Variants in KIN observed in about 807,000 individuals in gnomAD.
KIN encodes DNA/RNA-binding protein KIN17.
KIN carries 47 observed loss-of-function variants against 63.0 expected under a neutral mutation model. That is an observed-to-expected ratio of 0.75 (90% CI 0.59 to 0.95). The LOEUF is 0.95. Among genes scored for constraint, KIN ranks in the 40% least tolerant of loss-of-function variants. KIN has a pLI of 0.00. For synonymous variants in KIN, 160 were observed against 157.7 expected (o/e 1.01, Z -0.11); for missense variants, 408 against 460.9 (o/e 0.89, Z 1.05).
chr10:7,783,397 A>G (rs535521961), intron 1 of KIN, among the ~76,000 whole-genome samples: 16 of 152,348 alleles, frequency 1.1e-4, no homozygotes, highest in South Asian at 2.1e-4. Context: ...TCAAAGAGAC[A>G]GCAAAAGAGT....
At chr10:7,780,680 C>T (rs1297141145) in intron 2 of KIN, among the ~76,000 whole-genome samples, 3 of 152,132 alleles carry the variant, frequency 2.0e-5, no homozygotes, top group Non-Finnish European at 4.4e-5. Context: ...GGACTACAGG[C>T]GTGAGCCACT....
Position 7,766,067 on chromosome 10 carries a change from A to G in KIN, c.835T>C (p.Tyr279His), listed in dbSNP as rs1835537708. 3 of 1,611,078 alleles carry G rather than the reference A, an allele frequency of 1.9e-6. No homozygotes were observed. The highest frequency in any genetic ancestry group is 2.5e-6 in the Non-Finnish European group (3 of 1,178,114). The change falls in exon 9 of 13, where the codon TAC (tyrosine) becomes CAC (histidine). Residue 279 changes from tyrosine (Y) to histidine (H), a missense_variant. Around this residue, in one of 2 missense-constraint regions of KIN, gnomAD observed 298 missense variants for 296.0 expected, o/e 1.01. Transcript: ENST00000379562. ...TGAATACTTACAGGCTGTAGCCAGT[A>G]GTCTGTTCGGGCAGTTCTTTTCTTT... The part of the protein sequence containing the change: ...EEKKRTARTD[Y>H]WLQPEIIVKI...
Position 7,759,887 on chromosome 10 carries a change from T to C in KIN, c.1119+3A>G. The C allele has an allele frequency of 6.9e-7, 1 of 1,440,544 alleles. No individual in the cohort carries two copies. The highest frequency in any genetic ancestry group is 9.7e-7 in the Non-Finnish European group (1 of 1,034,774). The allele number at this position is 1,440,544 out of a possible 1,614,324, so 89.2% of individuals were successfully genotyped here. On this transcript the variant is annotated splice_donor_region_variant and intron_variant, in intron 12 of 12. Transcript: ENST00000379562. ...ATTTCTGTCTTTGTGTAAACAAACT[T>C]ACAGTTTCAATGACGATAGTAGCTG...
In KIN at chr10:7,780,191, T is replaced by C; in HGVS notation, c.254-13A>G. 1 of 1,612,716 alleles carries C rather than the reference T, an allele frequency of 6.2e-7. No individual in the cohort carries two copies. The highest frequency in any genetic ancestry group is 8.5e-7 in the Non-Finnish European group (1 of 1,179,270). On this transcript the variant is annotated splice_polypyrimidine_tract_variant and intron_variant, in intron 3 of 12. Transcript: ENST00000379562. Reference sequence around the variant, plus strand: ...ACCCTTTTAGTGCCTGAGAACAAAATATGACACTGATGATCATCAGAAGAT... The same window carrying C: ...ACCCTTTTAGTGCCTGAGAACAAAACATGACACTGATGATCATCAGAAGAT...
At chr10:7,772,876 C>A (rs766035357) in intron 7 of KIN, among the ~76,000 whole-genome samples, 1 of 152,164 alleles carries the variant, frequency 6.6e-6, no homozygotes, top group Non-Finnish European at 1.5e-5. Context: ...ATCCCTGAAA[C>A]CTATCAATGT....
intron 5 of KIN, among the ~76,000 whole-genome samples, chr10:7,778,599 C>T (rs865906471): frequency 6.6e-5 from 10 of 152,078 alleles, no homozygotes; most frequent in African/African-American, 1.2e-4. Flanking sequence ...ATTATCTGGG[C>T]GTGGTGGCGG....
At chr10:7,780,455 T>C (rs7898584) in intron 2 of KIN, 148 bp from the exon 3 acceptor site, 506,840 of 613,110 alleles carry the variant, frequency 0.83, 210,398 homozygotes, top group Admixed American at 0.87. Flanking sequence ...AGTGCAATAG[T>C]GTGATCTCAG....
intron 1 of KIN, among the ~76,000 whole-genome samples, chr10:7,786,820 G>C (rs1836022253): frequency 1.3e-5 from 2 of 152,164 alleles, no homozygotes; most frequent in Admixed American, 6.5e-5. Flanking sequence ...AGCAGACTAA[G>C]ACATTAGATA....
Position 7,755,940 on chromosome 10 carries a change from C to A in KIN, c.*140G>T. ...AAATTCTTCTCAAAGTTTAGCTGAA[C>A]AACTATACAGTAATATTTTCAAAAA... On this transcript the variant is annotated 3_prime_UTR_variant, in exon 13 of 13. Transcript: ENST00000379562. 1 of 500,552 alleles carries A rather than the reference C, an allele frequency of 2.0e-6. No individual in the cohort carries two copies. Among genetic ancestry groups the A allele is most frequent in the South Asian group, 4.5e-5 (1 of 22,258 alleles). 31.0% of individuals were successfully genotyped at this position (500,552 alleles called of 1,614,324 possible). A position where few individuals can be genotyped will look rare whatever the true frequency, so the allele number is the denominator to read the frequency against.
intron 12 of KIN, among the ~76,000 whole-genome samples, chr10:7,757,423 C>T (rs1390290013): frequency 2.0e-5 from 3 of 152,020 alleles, no homozygotes; most frequent in Non-Finnish European, 4.4e-5. Flanking sequence ...TTCTTGAACC[C>T]GGAGGCAGAG....
In KIN at chr10:7,752,870, G is replaced by A. The variant is rs1835264873; in HGVS notation, c.*3210C>T. 1 of 152,210 alleles carries A rather than the reference G, an allele frequency of 6.6e-6. No homozygotes were observed. The highest frequency in any genetic ancestry group is 1.5e-5 in the Non-Finnish European group (1 of 68,042). 9.4% of individuals were successfully genotyped at this position (152,210 alleles called of 1,614,324 possible). A position where few individuals can be genotyped will look rare whatever the true frequency, so the allele number is the denominator to read the frequency against. On this transcript the variant is annotated 3_prime_UTR_variant, in exon 13 of 13. Coordinates refer to ENST00000379562, the MANE Select transcript of KIN (RefSeq NM_012311.4). The stretch of plus-strand genomic sequence containing the variant: ...CTCCAACTATATGACCTTCGATGGA[G>A]ACAAAACTAGGGAGACAGTAAAAAG...
chr10:7,757,596 TGAC>T (rs1275542777), intron 12 of KIN, among the ~76,000 whole-genome samples: 1 of 152,084 alleles, frequency 6.6e-6, no homozygotes, highest in Non-Finnish European at 1.5e-5. Flanking sequence ...ATGATGATGA[TGAC>T]AATAATGATG....
chr10:7,787,772 T>C, intron 1 of KIN, 48 bp downstream of exon 1: 6 of 1,428,394 alleles, frequency 4.2e-6, no homozygotes, highest in South Asian at 1.1e-5. Flanking sequence ...TGATCCTGGA[T>C]TGCCAGGGGC....
intron 10 of KIN, among the ~76,000 whole-genome samples, chr10:7,762,878 G>C (rs1835464223): frequency 6.6e-6 from 1 of 152,176 alleles, no homozygotes; most frequent in African/African-American, 2.4e-5. Context: ...CAATAGGCAT[G>C]CACAAGGCTG....
intron 5 of KIN, among the ~76,000 whole-genome samples, chr10:7,776,472 G>T (rs760261243): frequency 6.6e-6 from 1 of 151,384 alleles, no homozygotes; most frequent in South Asian, 2.1e-4. Context: ...AATCCAGGGG[G>T]TGAGTGCTGC....
intron 5 of KIN, among the ~76,000 whole-genome samples, chr10:7,777,590 C>T (rs977884731): frequency 2.6e-5 from 4 of 152,190 alleles, no homozygotes; most frequent in Admixed American, 2.6e-4. Flanking sequence ...TGCTCACACA[C>T]AAGTGTTAGA....
intron 7 of KIN, 63 bp downstream of exon 7, chr10:7,774,768 A>T: frequency 7.9e-7 from 1 of 1,264,786 alleles, no homozygotes; most frequent in South Asian, 1.2e-5. Flanking sequence ...ACTTTAAAAT[A>T]CAGTAACCAA....
chr10:7,772,201 C>G (rs978381027), intron 7 of KIN, among the ~76,000 whole-genome samples: 1 of 152,042 alleles, frequency 6.6e-6, no homozygotes, highest in African/African-American at 2.4e-5. Context: ...ATGCTGAAAC[C>G]AAGAGATGTT....
At chr10:7,786,565 G>C (rs565192978) in intron 1 of KIN, among the ~76,000 whole-genome samples, 2 of 151,940 alleles carry the variant, frequency 1.3e-5, no homozygotes, top group Admixed American at 6.6e-5. Context: ...CACAAGGGTA[G>C]AGCCTGCATG....
Sources: gnomAD v4.1 joint callset for allele counts (sites outside exome capture counted in the v4.1 genomes callset) on GRCh38, gnomAD v4.1.1 for gene constraint, gnomAD v4.1.1 regional missense constraint, MANE v1.5 for transcripts, NCBI Gene and HGNC (gene_info 2026-07-23, HGNC 2026-07-21) for gene names.